The following SETX variants were observed in gnomAD, a reference collection of about 807,000 sequenced individuals.
SETX encodes the protein helicase senataxin.
SETX carries 90 observed loss-of-function variants against 227.2 expected under a neutral mutation model. That is an observed-to-expected ratio of 0.40 (90% CI 0.33 to 0.47). The LOEUF is 0.47. SETX is among the 20% of genes least tolerant of loss of function. The probability of loss-of-function intolerance (pLI) is 0.91; values close to 1 mark genes in which losing one functional copy is unlikely to be tolerated. For missense variants in SETX, 3,052 were observed against 3,181.5 expected (o/e 0.96, Z 0.98); for synonymous variants, 1,210 against 1,113.2 (o/e 1.09, Z -1.73).
intron 10 of SETX, among the ~76,000 whole-genome samples, chr9:132,315,064 C>T (rs60474414): frequency 0.018 from 2,759 of 151,802 alleles, 30 homozygotes; most frequent in Middle Eastern, 0.031. Flanking sequence ...AGGCACGTGC[C>T]ACCACGCCCG....
rs185813089 is a variant in SETX at position 132,283,214 on chromosome 9, C to G, written c.6546+50G>C. 3.7e-6 allele frequency: 6 copies of G among 1,604,504 alleles called. No individual in the cohort carries two copies. In the African/African-American group the frequency reaches 6.7e-5, roughly 18 times the overall value. Reference sequence around the variant, plus strand: ...TTCAGCAGCCACAATTCATCTAAGACTTACTCCTCATAGTAGTAGTCAAAG... The same window carrying G: ...TTCAGCAGCCACAATTCATCTAAGAGTTACTCCTCATAGTAGTAGTCAAAG... On this transcript the variant is annotated intron_variant, in intron 19 of 25. Coordinates refer to ENST00000224140, the MANE Select transcript of SETX (RefSeq NM_015046.7).
intron 11 of SETX, among the ~76,000 whole-genome samples, chr9:132,306,371 C>A (rs1458870292): frequency 6.6e-6 from 1 of 152,162 alleles, no homozygotes; most frequent in Non-Finnish European, 1.5e-5. Flanking sequence ...CACCACCACA[C>A]CCGGCTAATT....
intron 11 of SETX, among the ~76,000 whole-genome samples, chr9:132,307,410 G>GT (rs1008077962): frequency 6.6e-6 from 1 of 151,466 alleles, no homozygotes; most frequent in African/African-American, 2.4e-5. Context: ...ATATTTAGAT[G>GT]TATTACCCAC....
intron 18 of SETX, among the ~76,000 whole-genome samples, chr9:132,286,125 G>C (rs986824560): frequency 2.0e-5 from 3 of 150,068 alleles, no homozygotes; most frequent in African/African-American, 7.4e-5. Flanking sequence ...AGAGGTTGCA[G>C]TGAGCCAAGA....
chr9:132,311,936 C>G (rs1845694015), intron 10 of SETX, 80 bp from the exon 11 acceptor site: 1 of 1,102,848 alleles, frequency 9.1e-7, no homozygotes, highest in Non-Finnish European at 1.4e-6. Context: ...CAAAGTTAAG[C>G]AACAGTAAAA....
At chr9:132,331,919 A>T (rs555725644) in intron 7 of SETX, among the ~76,000 whole-genome samples, 2 of 152,344 alleles carry the variant, frequency 1.3e-5, no homozygotes, top group East Asian at 3.9e-4. Context: ...TAATACAAGA[A>T]ATTCTCTTTC....
At chr9:132,337,789 T>C (rs1277507093) in intron 5 of SETX, among the ~76,000 whole-genome samples, 1 of 152,218 alleles carries the variant, frequency 6.6e-6, no homozygotes, top group East Asian at 1.9e-4. Flanking sequence ...GCAATCACCA[T>C]AGTTCAGGCA....
intron 23 of SETX, 116 bp from the exon 24 acceptor site, chr9:132,271,924 C>A (rs1486881483): frequency 3.3e-5 from 28 of 842,662 alleles, no homozygotes; most frequent in South Asian, 1.5e-5. Flanking sequence ...ACTCTGTCGC[C>A]CAGGCTGGAG....
chr9:132,292,754 C>T (rs568093289), intron 15 of SETX, among the ~76,000 whole-genome samples: 2 of 151,926 alleles, frequency 1.3e-5, no homozygotes, highest in East Asian at 3.9e-4. Flanking sequence ...CTCAGCCTCC[C>T]GAGTAGCTAG....
intron 20 of SETX, among the ~76,000 whole-genome samples, chr9:132,278,990 C>T (rs972307150): frequency 4.6e-5 from 7 of 152,170 alleles, no homozygotes; most frequent in African/African-American, 1.7e-4. Context: ...TTGACCATCC[C>T]TAATCCAAAA....
intron 5 of SETX, among the ~76,000 whole-genome samples, chr9:132,337,976 C>CGG (rs1335421523): frequency 6.6e-6 from 1 of 151,846 alleles, no homozygotes; most frequent in African/African-American, 2.4e-5. Context: ...CCTCTGTCTA[C>CGG]ATATGACAAG....
chr9:132,310,629 AATG>A (rs1304701353), intron 11 of SETX, among the ~76,000 whole-genome samples: 2 of 152,202 alleles, frequency 1.3e-5, no homozygotes, highest in East Asian at 1.9e-4. Flanking sequence ...CATGTGTGAA[AATG>A]ATAAGTTCCT....
At chr9:132,304,067 T>G (rs1385212291) in intron 11 of SETX, among the ~76,000 whole-genome samples, 1 of 152,064 alleles carries the variant, frequency 6.6e-6, no homozygotes, top group Non-Finnish European at 1.5e-5. Context: ...TTGCAGCCAC[T>G]GCACTCCAGG....
chr9:132,289,654 C>T (rs1431737798), intron 15 of SETX, among the ~76,000 whole-genome samples: 2 of 152,144 alleles, frequency 1.3e-5, no homozygotes, highest in African/African-American at 2.4e-5. Flanking sequence ...ATTTGACCAT[C>T]GAGCCTTCTT....
intron 3 of SETX, among the ~76,000 whole-genome samples, chr9:132,348,515 A>G (rs1848436056): frequency 6.6e-6 from 1 of 152,226 alleles, no homozygotes. Context: ...TTTTATACCA[A>G]TGTGACTAAA....
chr9:132,355,970 G>A (rs534303412), upstream of SETX, among the ~76,000 whole-genome samples: 44 of 135,224 alleles, frequency 3.3e-4, no homozygotes, highest in South Asian at 6.1e-3. Context: ...CTGGGCAAAG[G>A]AGCGAGACTC....
intron 7 of SETX, 88 bp downstream of exon 7, chr9:132,334,516 CAACA>C: frequency 7.0e-7 from 1 of 1,429,468 alleles, no homozygotes; most frequent in East Asian, 2.3e-5. Context: ...CTTTTCTCCA[CAACA>C]TACACCAATT....
chr9:132,326,015 A>G (rs1401191728), intron 10 of SETX, among the ~76,000 whole-genome samples: 3 of 151,684 alleles, frequency 2.0e-5, no homozygotes, highest in African/African-American at 7.3e-5. Context: ...TTCAACATGA[A>G]ATCTAAAACC....
chr9:132,304,148 CAGG>C (rs1261592305), intron 11 of SETX, among the ~76,000 whole-genome samples: 3 of 152,134 alleles, frequency 2.0e-5, no homozygotes, highest in Non-Finnish European at 2.9e-5. Flanking sequence ...CCAAATCTAC[CAGG>C]AGAAGGGTAA....
Sources: gnomAD v4.1 joint callset for allele counts (sites outside exome capture counted in the v4.1 genomes callset) on GRCh38, gnomAD v4.1.1 for gene constraint, MANE v1.5 for transcripts, NCBI Gene and HGNC (gene_info 2026-07-23, HGNC 2026-07-21) for gene names.